GTF2F2: variants seen among roughly 807,000 people sequenced by gnomAD.
GTF2F2 encodes ATP-dependent helicase GTF2F2.
A neutral mutation model predicts 42.2 loss-of-function variants in GTF2F2; 23 were observed. The observed-to-expected ratio is 0.55, with a 90% confidence interval of 0.39 to 0.77. The LOEUF (loss-of-function observed/expected upper bound fraction) is 0.77, where lower values mean the gene tolerates loss of function less well. Ranked by LOEUF, GTF2F2 falls within the 30% of genes least tolerant of loss-of-function variation. The probability of loss-of-function intolerance (pLI) is 0.00; values close to 1 mark genes in which losing one functional copy is unlikely to be tolerated. For synonymous variants in GTF2F2, 105 were observed against 100.8 expected (o/e 1.04, Z -0.25); for missense variants, 261 against 287.2 (o/e 0.91, Z 0.66).
chr13:45,153,352 C>T (rs781759112), intron 4 of GTF2F2, among the ~76,000 whole-genome samples: 36 of 152,000 alleles, frequency 2.4e-4, no homozygotes, highest in Non-Finnish European at 3.8e-4. Flanking sequence ...TTACCAATAG[C>T]TACATAAAAT....
chr13:45,239,851 A>G (rs1875188752), intron 5 of GTF2F2, among the ~76,000 whole-genome samples: 1 of 152,220 alleles, frequency 6.6e-6, no homozygotes, highest in African/African-American at 2.4e-5. Context: ...AGATGCAATT[A>G]TGATACAGGT....
intron 4 of GTF2F2, among the ~76,000 whole-genome samples, chr13:45,156,603 T>C (rs1870767835): frequency 6.6e-6 from 1 of 152,176 alleles, no homozygotes; most frequent in Admixed American, 6.5e-5. Flanking sequence ...TTTTTTAATC[T>C]TTTTTGCCAT....
At chr13:45,128,905 G>A (rs974715512) in intron 1 of GTF2F2, among the ~76,000 whole-genome samples, 1 of 151,920 alleles carries the variant, frequency 6.6e-6, no homozygotes. Flanking sequence ...ATGTTTTTAA[G>A]TTGGCAGTTG....
At chr13:45,207,009 C>G (rs1566135226) in intron 4 of GTF2F2, 1 of 137,378 alleles carries the variant, frequency 7.3e-6, no homozygotes, top group Admixed American at 6.9e-5. Context: ...TACACAAACA[C>G]ACACACACAC....
At chr13:45,216,126 G>A (rs1445872082) in intron 5 of GTF2F2, among the ~76,000 whole-genome samples, 1 of 151,864 alleles carries the variant, frequency 6.6e-6, no homozygotes, top group African/African-American at 2.4e-5. Context: ...CGCTGAGGTG[G>A]GAGGATGGCT....
intron 7 of GTF2F2, among the ~76,000 whole-genome samples, chr13:45,275,545 A>G (rs911440642): frequency 2.0e-5 from 3 of 147,202 alleles, no homozygotes; most frequent in African/African-American, 7.6e-5. Context: ...GAGTGAGAAC[A>G]TGCGGTATTT....
At chr13:45,233,443 C>T (rs1490309094) in intron 5 of GTF2F2, among the ~76,000 whole-genome samples, 1 of 152,122 alleles carries the variant, frequency 6.6e-6, no homozygotes, top group Non-Finnish European at 1.5e-5. Context: ...TTGTTCCTAC[C>T]TAACTCAGTT....
intron 6 of GTF2F2, among the ~76,000 whole-genome samples, chr13:45,256,714 A>G (rs1234378556): frequency 6.6e-6 from 1 of 152,156 alleles, no homozygotes; most frequent in Non-Finnish European, 1.5e-5. Context: ...AGAAGAGGAC[A>G]TTGACTTTTA....
At chr13:45,155,117 G>A (rs1013283662) in intron 4 of GTF2F2, among the ~76,000 whole-genome samples, 11 of 152,126 alleles carry the variant, frequency 7.2e-5, no homozygotes, top group South Asian at 2.1e-4. Flanking sequence ...TTTTCTATAG[G>A]ATGGTACCAG....
intron 4 of GTF2F2, among the ~76,000 whole-genome samples, chr13:45,202,529 A>G (rs138919442): frequency 7.9e-5 from 12 of 152,374 alleles, no homozygotes; most frequent in African/African-American, 2.2e-4. Flanking sequence ...TCAACTTGAC[A>G]GAAGAATCCT....
At chr13:45,166,998 G>A (rs9590879) in intron 4 of GTF2F2, among the ~76,000 whole-genome samples, 5,626 of 151,900 alleles carry the variant, frequency 0.037, 152 homozygotes, top group Non-Finnish European at 0.053. Flanking sequence ...CCTACCAGCC[G>A]TTAGACAGCT....
chr13:45,253,325 A>C (rs1044716280), intron 6 of GTF2F2, among the ~76,000 whole-genome samples: 2 of 152,190 alleles, frequency 1.3e-5, no homozygotes, highest in African/African-American at 4.8e-5. Flanking sequence ...TTTAAAAATT[A>C]TTCTATACCT....
chr13:45,221,294 C>A (rs919537576), intron 5 of GTF2F2, among the ~76,000 whole-genome samples: 1 of 152,124 alleles, frequency 6.6e-6, no homozygotes, highest in Non-Finnish European at 1.5e-5. Flanking sequence ...GTTGTACCAA[C>A]ACAATACACC....
chr13:45,189,351 C>T lies in GTF2F2; in HGVS notation c.305-18073C>T, dbSNP rs1046911716. 5.9e-5 allele frequency among the ~76,000 whole-genome samples: 9 copies of T among 152,116 alleles called. No individual in the cohort carries two copies. The South Asian group carries it at 1.0e-3, about 18-fold the overall frequency. The stretch of plus-strand genomic sequence containing the variant: ...AAGTCTTTGCTATTGTGAATAGTGC[C>T]GCAATAAACATACGTGTGCATGTGT... On this transcript the variant is annotated intron_variant, in intron 4 of 7. Transcript: ENST00000340473.
chr13:45,272,388 C>T (rs1424335801), intron 7 of GTF2F2, among the ~76,000 whole-genome samples: 1 of 146,366 alleles, frequency 6.8e-6, no homozygotes, highest in Non-Finnish European at 1.5e-5. Context: ...TAACATTTTC[C>T]CTTTTAACTT....
intron 7 of GTF2F2, among the ~76,000 whole-genome samples, chr13:45,273,655 ATTT>A (rs773254844): frequency 4.0e-5 from 5 of 123,844 alleles, no homozygotes; most frequent in Admixed American, 8.2e-5. Flanking sequence ...GAGTGGTAAA[ATTT>A]TTTTTTTTTT....
At chr13:45,161,925 C>T (rs1290926401) in intron 4 of GTF2F2, among the ~76,000 whole-genome samples, 1 of 152,118 alleles carries the variant, frequency 6.6e-6, no homozygotes, top group Non-Finnish European at 1.5e-5. Context: ...GTATAGTTTA[C>T]ACTTTTAGGT....
chr13:45,196,719 T>C (rs994277773), intron 4 of GTF2F2, among the ~76,000 whole-genome samples: 1 of 152,224 alleles, frequency 6.6e-6, no homozygotes, highest in Non-Finnish European at 1.5e-5. Context: ...GGATAGATAC[T>C]ATGTACTCTG....
chr13:45,233,852 G>A (rs1874812905), intron 5 of GTF2F2, among the ~76,000 whole-genome samples: 1 of 152,172 alleles, frequency 6.6e-6, no homozygotes, highest in African/African-American at 2.4e-5. Flanking sequence ...GGCCGAGGTT[G>A]CAGTGAACCG....
Sources: allele counts gnomAD v4.1 joint callset (sites outside exome capture counted in the v4.1 genomes callset), GRCh38; gene constraint gnomAD v4.1.1; transcripts MANE v1.5; gene names NCBI Gene and HGNC (gene_info 2026-07-23, HGNC 2026-07-21).